The following SLC24A2 variants were observed in gnomAD, a reference collection of about 807,000 sequenced individuals.
SLC24A2 encodes the protein solute carrier family 24 member 2.
In SLC24A2, 36 loss-of-function variants were observed where a neutral mutation model predicts 62.0. That is an observed-to-expected ratio of 0.58 (90% confidence interval 0.44 to 0.77). The LOEUF is 0.77. Among genes scored for constraint, SLC24A2 ranks in the 30% least tolerant of loss-of-function variants. The pLI, the probability that SLC24A2 is intolerant of heterozygous loss-of-function variation, is 0.00. For missense variants in SLC24A2, 846 were observed against 817.9 expected (o/e 1.03, Z -0.42); for synonymous variants, 358 against 294.0 (o/e 1.22, Z -2.23).
the SLC24A2 span, among the ~76,000 whole-genome samples, chr9:20,212,314 A>G: frequency 2.0e-5 from 3 of 151,796 alleles, no homozygotes; most frequent in African/African-American, 4.9e-5. Context: ...AAATATACAA[A>G]GGAAAAAAAA....
At position 19,512,272 on chromosome 9, in the gene SLC24A2, C is replaced by A. The variant is rs1308312739; in HGVS notation, c.*3881G>T. 1.3e-5 allele frequency: 2 copies of A among 152,260 alleles called. No homozygotes were observed. Among genetic ancestry groups the A allele is most frequent in the Non-Finnish European group, 2.9e-5 (2 of 68,058 alleles). 9.4% of individuals were successfully genotyped at this position (152,260 alleles called of 1,614,324 possible). A position where few individuals can be genotyped will look rare whatever the true frequency, so the allele number is the denominator to read the frequency against. ...CTCCAAACCACCTGATTCATGTCTT[C>A]CCTATAAAATAAATTATGATGGCCC... On this transcript the variant is annotated 3_prime_UTR_variant, in exon 11 of 11. Transcript: ENST00000341998.
chr9:19,993,500 G>A, the SLC24A2 span, among the ~76,000 whole-genome samples: 3 of 152,096 alleles, frequency 2.0e-5, no homozygotes, highest in African/African-American at 7.2e-5. Flanking sequence ...CCTCTGAGCA[G>A]CTTACACCAT....
chr9:20,112,833 C>T, the SLC24A2 span, among the ~76,000 whole-genome samples: 47 of 152,086 alleles, frequency 3.1e-4, 1 homozygote, highest in African/African-American at 1.1e-3. Flanking sequence ...CACCCCCCAC[C>T]TCCCCTGCCC....
the SLC24A2 span, among the ~76,000 whole-genome samples, chr9:19,959,009 G>T: frequency 1.3e-5 from 2 of 152,118 alleles, no homozygotes; most frequent in Non-Finnish European, 1.5e-5. Context: ...GCCAAAAAAA[G>T]CAAAGCTATA....
rs534431421 is a variant in SLC24A2 at position 19,625,917 on chromosome 9, C to A, written c.931-3618G>T. ...GGCCAGGCTGGTCTCAGACTCCTGA[C>A]CTCAGGTTATCCACCCACCTCAGCC... On this transcript the variant is annotated intron_variant, in intron 2 of 10. Transcript: ENST00000341998. Among the ~76,000 whole-genome samples, 3 of 152,064 alleles carry A rather than the reference C, an allele frequency of 2.0e-5. No homozygotes were observed. In the East Asian group the frequency reaches 5.8e-4, roughly 29 times the overall value.
chr9:19,805,211 C>A, the SLC24A2 span, among the ~76,000 whole-genome samples: 1 of 152,106 alleles, frequency 6.6e-6, no homozygotes. Context: ...TTGACTTTGT[C>A]ACTCATCATA....
the SLC24A2 span, among the ~76,000 whole-genome samples, chr9:20,196,575 C>T: frequency 6.6e-6 from 1 of 152,216 alleles, no homozygotes; most frequent in African/African-American, 2.4e-5. Flanking sequence ...CTCATAATAA[C>T]AATCAGCTAG....
chr9:19,961,178 T>G, the SLC24A2 span, among the ~76,000 whole-genome samples: 5 of 151,206 alleles, frequency 3.3e-5, no homozygotes, highest in African/African-American at 1.2e-4. Context: ...ATAATACATA[T>G]GTAACAAACC....
intron 2 of SLC24A2, among the ~76,000 whole-genome samples, chr9:19,672,764 T>A (rs1339997665): frequency 6.8e-6 from 1 of 146,618 alleles, no homozygotes; most frequent in Non-Finnish European, 1.5e-5. Flanking sequence ...AAGAATTTTT[T>A]AATATCCATC....
chr9:20,222,005 G>T, the SLC24A2 span, among the ~76,000 whole-genome samples: 2 of 151,988 alleles, frequency 1.3e-5, no homozygotes, highest in Non-Finnish European at 2.9e-5. Flanking sequence ...TAAGTATTTT[G>T]AATTTTTGAA....
chr9:19,726,106 G>A (rs1821161718), intron 2 of SLC24A2, among the ~76,000 whole-genome samples: 1 of 152,180 alleles, frequency 6.6e-6, no homozygotes, highest in South Asian at 2.1e-4. Flanking sequence ...GCGGAGTCAA[G>A]GCCTATGAGC....
chr9:20,105,664 C>A, the SLC24A2 span, among the ~76,000 whole-genome samples: 1 of 151,798 alleles, frequency 6.6e-6, no homozygotes, highest in Admixed American at 6.6e-5. Flanking sequence ...AACAAAGACA[C>A]AACATACCAG....
the SLC24A2 span, among the ~76,000 whole-genome samples, chr9:20,070,138 A>ATTGAAACAACTTCTTAGGT: frequency 6.6e-6 from 1 of 152,166 alleles, no homozygotes; most frequent in East Asian, 1.9e-4. Flanking sequence ...GCATCAAACA[A>ATTGAAACAACTTCTTAGGT]TTGAAACAAC....
chr9:19,627,184 G>A (rs922178765), intron 2 of SLC24A2, among the ~76,000 whole-genome samples: 6 of 152,110 alleles, frequency 3.9e-5, no homozygotes, highest in African/African-American at 9.7e-5. Context: ...TTTACAATCC[G>A]GTTTAAAGAA....
At chr9:19,890,802 C>T in the SLC24A2 span, among the ~76,000 whole-genome samples, 1 of 152,126 alleles carries the variant, frequency 6.6e-6, no homozygotes, top group Non-Finnish European at 1.5e-5. Flanking sequence ...CGTACCATCC[C>T]ATAGCTTTTA....
At chr9:19,838,458 C>CAA in the SLC24A2 span, among the ~76,000 whole-genome samples, 2 of 117,480 alleles carry the variant, frequency 1.7e-5, no homozygotes, top group Non-Finnish European at 1.7e-5. Context: ...CCTAAAACCA[C>CAA]ACACACACAC....
the SLC24A2 span, among the ~76,000 whole-genome samples, chr9:20,065,047 G>A: frequency 4.0e-4 from 61 of 152,190 alleles, no homozygotes; most frequent in African/African-American, 1.5e-3. Flanking sequence ...GTATCCAACC[G>A]ATGAGCTGCT....
At chr9:20,225,721 G>A in the SLC24A2 span, among the ~76,000 whole-genome samples, 1 of 150,176 alleles carries the variant, frequency 6.7e-6, no homozygotes, top group Non-Finnish European at 1.5e-5. Context: ...TATGTAAGTT[G>A]TATTTCCTTT....
At chr9:20,212,156 A>G in the SLC24A2 span, among the ~76,000 whole-genome samples, 35 of 150,950 alleles carry the variant, frequency 2.3e-4, 2 homozygotes, top group African/African-American at 8.7e-4. Context: ...GCATCTTCCC[A>G]AAATAGATAT....
Sources: allele counts gnomAD v4.1 joint callset (sites outside exome capture counted in the v4.1 genomes callset), GRCh38; gene constraint gnomAD v4.1.1; transcripts MANE v1.5; gene names NCBI Gene and HGNC (gene_info 2026-07-23, HGNC 2026-07-21).